Variants in PEBP4 observed in about 807,000 individuals in gnomAD.
PEBP4 encodes phosphatidylethanolamine-binding protein 4.
A neutral mutation model predicts 23.9 loss-of-function variants in PEBP4; 22 were observed. The ratio of observed to expected loss-of-function variants is 0.92; its 90% CI spans 0.66 to 1.31. The LOEUF (loss-of-function observed/expected upper bound fraction) is 1.31. Ranked by LOEUF, PEBP4 falls within the 40% of genes most tolerant of loss-of-function variation. PEBP4 has a pLI of 0.00. For synonymous variants in PEBP4, 112 were observed against 99.3 expected, an observed-to-expected ratio of 1.13 and a Z score of -0.76; for missense variants, 324 against 281.7, an observed-to-expected ratio of 1.15 and a Z score of -1.07.
At chr8:22,736,729 C>CAAAA (rs1804868250) in intron 4 of PEBP4, among the ~76,000 whole-genome samples, 2 of 152,196 alleles carry the variant, frequency 1.3e-5, no homozygotes, top group African/African-American at 4.8e-5. Flanking sequence ...CTACTCAGAA[C>CAAAA]AAAAATAGCT....
intron 4 of PEBP4, among the ~76,000 whole-genome samples, chr8:22,788,245 A>T (rs542971624): frequency 6.6e-6 from 1 of 152,200 alleles, no homozygotes; most frequent in South Asian, 2.1e-4. Context: ...GAGGGCTTCT[A>T]ACTATCACCG....
chr8:22,940,864 C>T (rs1457664696), intron 1 of PEBP4, among the ~76,000 whole-genome samples: 1 of 152,178 alleles, frequency 6.6e-6, no homozygotes, highest in East Asian at 1.9e-4. Flanking sequence ...GTAGCAAATT[C>T]CTACCGCACA....
upstream of PEBP4, chr8:22,927,989 C>T: frequency 2.4e-6 from 1 of 409,238 alleles, no homozygotes; most frequent in Admixed American, 4.4e-5. Flanking sequence ...GCTTTGTTGT[C>T]ACTCTTGTCC....
At chr8:22,940,820 C>T (rs1439848469) in intron 1 of PEBP4, among the ~76,000 whole-genome samples, 1 of 152,146 alleles carries the variant, frequency 6.6e-6, no homozygotes, top group Non-Finnish European at 1.5e-5. Context: ...CTCCCTAGGC[C>T]AAGGTGTTTT....
chr8:22,922,353 T>C (rs1585158727), intron 2 of PEBP4, among the ~76,000 whole-genome samples: 2 of 152,132 alleles, frequency 1.3e-5, no homozygotes, highest in African/African-American at 2.4e-5. Flanking sequence ...GATGATCAAA[T>C]TGACTTACGA....
chr8:22,783,481 G>C (rs374167119), intron 4 of PEBP4, among the ~76,000 whole-genome samples: 1 of 152,178 alleles, frequency 6.6e-6, no homozygotes, highest in African/African-American at 2.4e-5. Flanking sequence ...GCTCCTGTGC[G>C]TACCCAGTGG....
chr8:22,716,061 G>A (rs181079751), intron 6 of PEBP4, among the ~76,000 whole-genome samples: 58 of 152,328 alleles, frequency 3.8e-4, no homozygotes. Flanking sequence ...CCTGGGACGA[G>A]GGTAGGGGCA....
intron 1 of PEBP4, among the ~76,000 whole-genome samples, chr8:22,937,659 C>CT (rs1293255120): frequency 3.9e-5 from 6 of 152,178 alleles, no homozygotes; most frequent in African/African-American, 1.4e-4. Flanking sequence ...TTGAAGGACT[C>CT]GTACTTTCTG....
intron 3 of PEBP4, among the ~76,000 whole-genome samples, chr8:22,854,520 C>G (rs1807602165): frequency 6.6e-6 from 1 of 152,130 alleles, no homozygotes; most frequent in Non-Finnish European, 1.5e-5. Flanking sequence ...GCCAGGAATA[C>G]AAACCACCTC....
intron 3 of PEBP4, among the ~76,000 whole-genome samples, chr8:22,861,973 C>A (rs1807787830): frequency 1.3e-5 from 2 of 152,124 alleles, no homozygotes; most frequent in South Asian, 2.1e-4. Context: ...TCTGTCCCCG[C>A]TAAGTCTGAA....
At chr8:22,883,948 T>C (rs74753129) in intron 3 of PEBP4, 21,198 of 152,218 alleles carry the variant, frequency 0.14, 1,768 homozygotes, top group Non-Finnish European at 0.18. Context: ...TCACCAATTC[T>C]CCGCTCCAGG....
At chr8:22,743,005 T>A (rs1266278354) in intron 4 of PEBP4, among the ~76,000 whole-genome samples, 1 of 152,200 alleles carries the variant, frequency 6.6e-6, no homozygotes, top group Non-Finnish European at 1.5e-5. Context: ...CTGCATAGAC[T>A]CTCTGCCAGC....
intron 3 of PEBP4, among the ~76,000 whole-genome samples, chr8:22,894,184 T>A (rs1808550602): frequency 6.7e-6 from 1 of 149,304 alleles, no homozygotes; most frequent in Non-Finnish European, 1.5e-5. Flanking sequence ...TAGATTATTA[T>A]GTCAGAATGA....
intron 3 of PEBP4, chr8:22,887,098 GTGTGTGTGTGTGTGTGTGTA>G (rs1223426809): frequency 1.4e-5 from 2 of 147,034 alleles, no homozygotes; most frequent in South Asian, 2.1e-4. Context: ...TAGTGTGTGT[GTGTGTGTGTGTGTGTGTGTA>G]TGTGTGTGTG....
At chr8:22,874,844 C>T (rs565411888) in intron 3 of PEBP4, among the ~76,000 whole-genome samples, 3 of 152,200 alleles carry the variant, frequency 2.0e-5, no homozygotes, top group East Asian at 1.9e-4. Context: ...TCTTAGATTC[C>T]GGGAGCAACA....
chr8:22,889,336 C>G (rs1459725501), intron 3 of PEBP4, among the ~76,000 whole-genome samples: 1 of 152,154 alleles, frequency 6.6e-6, no homozygotes, highest in East Asian at 1.9e-4. Context: ...CCATCTGAGC[C>G]CCCTCAAAAT....
chr8:22,904,723 T>C (rs900899453), intron 3 of PEBP4, among the ~76,000 whole-genome samples: 3 of 152,250 alleles, frequency 2.0e-5, no homozygotes, highest in African/African-American at 7.2e-5. Context: ...ACTGGAACTA[T>C]TGTTAAATGG....
At chr8:22,894,671 C>A (rs1347880224) in intron 3 of PEBP4, among the ~76,000 whole-genome samples, 2 of 152,152 alleles carry the variant, frequency 1.3e-5, no homozygotes, top group East Asian at 3.8e-4. Context: ...AAGAATCTCC[C>A]ACGGTTTGTA....
chr8:22,882,306 C>T (rs951591758), intron 3 of PEBP4, among the ~76,000 whole-genome samples: 1 of 152,200 alleles, frequency 6.6e-6, no homozygotes, highest in South Asian at 2.1e-4. Context: ...GGAAAGTGTG[C>T]GTCAACAGCA....
Sources: allele counts gnomAD v4.1 joint callset (sites outside exome capture counted in the v4.1 genomes callset), GRCh38; gene constraint gnomAD v4.1.1; transcripts MANE v1.5; gene names NCBI Gene and HGNC (gene_info 2026-07-23, HGNC 2026-07-21).